CSMD3: variants seen among roughly 807,000 people sequenced by gnomAD.
The protein encoded by CSMD3 is CUB and Sushi multiple domains 3.
In CSMD3, 177 loss-of-function variants were observed where a neutral mutation model predicts 435.2. The ratio of observed to expected loss-of-function variants is 0.41; its 90% CI spans 0.36 to 0.46. The LOEUF (loss-of-function observed/expected upper bound fraction) is 0.46. Among genes scored for constraint, CSMD3 ranks in the 20% least tolerant of loss-of-function variants. CSMD3 has a pLI of 0.34. For missense variants in CSMD3, 4,265 were observed against 4,504.6 expected (o/e 0.95, Z 1.52); for synonymous variants, 1,656 against 1,520.5 (o/e 1.09, Z -2.07).
At chr8:112,655,785 T>A (rs1436628163) in intron 18 of CSMD3, among the ~76,000 whole-genome samples, 1 of 152,040 alleles carries the variant, frequency 6.6e-6, no homozygotes, top group African/African-American at 2.4e-5. Flanking sequence ...AAAGAATAAC[T>A]GAATTTGTGA....
intron 3 of CSMD3, among the ~76,000 whole-genome samples, chr8:113,245,343 C>A (rs921673058): frequency 4.6e-5 from 7 of 151,860 alleles, no homozygotes; most frequent in African/African-American, 1.7e-4. Context: ...CCCTAGTATT[C>A]CACTACTGTT....
At chr8:112,416,299 C>T (rs1326513999) in intron 32 of CSMD3, among the ~76,000 whole-genome samples, 2 of 152,152 alleles carry the variant, frequency 1.3e-5, no homozygotes, top group Non-Finnish European at 2.9e-5. Context: ...GCTCTCACTT[C>T]ATCCTGCCAC....
At chr8:112,976,240 T>G in intron 6 of CSMD3, 92 bp from the exon 7 acceptor site, 2 of 1,408,466 alleles carry the variant, frequency 1.4e-6, no homozygotes, top group Non-Finnish European at 2.0e-6. Context: ...TTCTCTTCTA[T>G]TACCTTAAGG....
At chr8:113,041,480 C>T (rs2131288776) in intron 5 of CSMD3, among the ~76,000 whole-genome samples, 1 of 152,154 alleles carries the variant, frequency 6.6e-6, no homozygotes, top group African/African-American at 2.4e-5. Context: ...ACAGGACTGT[C>T]ACTTAGATCT....
intron 5 of CSMD3, among the ~76,000 whole-genome samples, chr8:113,019,440 A>G (rs2086598202): frequency 6.6e-6 from 1 of 151,718 alleles, no homozygotes; most frequent in African/African-American, 2.4e-5. Flanking sequence ...TTTTTGATTT[A>G]TCCAAATTTA....
chr8:112,902,790 A>G (rs1038071381), intron 10 of CSMD3, among the ~76,000 whole-genome samples: 12 of 151,328 alleles, frequency 7.9e-5, no homozygotes, highest in African/African-American at 2.9e-4. Flanking sequence ...TATTGTCACA[A>G]AAAGCATTCA....
intron 24 of CSMD3, among the ~76,000 whole-genome samples, chr8:112,562,454 T>C (rs1828712575): frequency 6.6e-6 from 1 of 151,584 alleles, no homozygotes; most frequent in African/African-American, 2.4e-5. Context: ...TCAATGAAGA[T>C]ATGTTAGTTT....
In CSMD3 at chr8:112,254,262, G is replaced by A. The variant is rs143572252; in HGVS notation, c.10101C>T (p.Phe3367=). Residue 3367 remains phenylalanine (F), a synonymous_variant, in exon 63 of 71, where the codon TTC becomes TTT. Coordinates refer to ENST00000297405, the MANE Select transcript of CSMD3 (RefSeq NM_198123.2). ...TAGCTAAAGTACCCACTTGAAATCC[G>A]AATGTATTGTTCTGAGATCCATGCC... ...VPRHGSQNNT[F]GFQVGSVVQF... is the part of the protein sequence containing the mutation. 744 of 1,611,526 alleles carry A rather than the reference G, an allele frequency of 4.6e-4. 4 individuals carry two copies. In the African/African-American group the frequency reaches 8.2e-3, roughly 18 times the overall value.
rs2084830435 is a variant in CSMD3, at chr8:112,975,945, T to C, written c.1234A>G (p.Lys412Glu). 1.9e-6 allele frequency: 3 copies of C among 1,613,928 alleles called. No individual in the cohort carries two copies. The highest frequency in any genetic ancestry group is 1.7e-6 in the Non-Finnish European group (2 of 1,179,960). ...GCTGGATGAGGAGAGAGCCCGTCCT[T>C]GGACGTGTTGGGGTCCAGACCTGAA... The part of the protein sequence containing the change: ...RNSGLDPNTS[K>E]DGLSPHPADT... The change falls in exon 7 of 71, where the codon AAG (lysine) becomes GAG (glutamate). Residue 412 changes from lysine to glutamate, a missense_variant. Lys to Glu is a moderately conservative substitution (Grantham distance 56). Coordinates refer to ENST00000297405, the MANE Select transcript of CSMD3 (RefSeq NM_198123.2).
intron 61 of CSMD3, among the ~76,000 whole-genome samples, chr8:112,256,302 GA>G (rs35712078): frequency 0.2 from 29,855 of 149,850 alleles, 3,523 homozygotes; most frequent in East Asian, 0.36. Context: ...AGTCCCGTGG[GA>G]AAAAAAAAAT....
At chr8:113,344,782 T>C (rs1252158533) in intron 1 of CSMD3, among the ~76,000 whole-genome samples, 1 of 152,112 alleles carries the variant, frequency 6.6e-6, no homozygotes, top group Non-Finnish European at 1.5e-5. Context: ...ATCACGCAAA[T>C]AAAATACAAA....
intron 22 of CSMD3, among the ~76,000 whole-genome samples, chr8:112,621,928 C>T (rs923884089): frequency 6.6e-6 from 1 of 152,106 alleles, no homozygotes; most frequent in Non-Finnish European, 1.5e-5. Context: ...CTGTCTGGAG[C>T]CTAACAACCA....
rs73342250 is a variant in CSMD3 at position 113,125,620 on chromosome 8, G to A, written c.710-26657C>T. Among the ~76,000 whole-genome samples, 542 of 151,986 alleles carry A rather than the reference G, an allele frequency of 3.6e-3. 3 individuals are homozygous for A. The highest frequency in any genetic ancestry group is 0.012 in the African/African-American group (505 of 41,500). On this transcript the variant is annotated intron_variant, in intron 4 of 70. Coordinates refer to ENST00000297405, the MANE Select transcript of CSMD3 (RefSeq NM_198123.2). ...TTCAGAAAGATGAGAAATAAATACAGTAGTAAAGAAGAGTGGGAAGGACTG... is the reference window on the plus strand; with the variant it reads ...TTCAGAAAGATGAGAAATAAATACAATAGTAAAGAAGAGTGGGAAGGACTG...
Position 112,552,525 on chromosome 8 carries a change from A to T in CSMD3, c.4361+69T>A, listed in dbSNP as rs1458148435. On this transcript the variant is annotated intron_variant, in intron 26 of 70. Transcript: ENST00000297405. The stretch of plus-strand genomic sequence containing the variant: ...ACAAAAAATGAAATAAATGGATATT[A>T]ATTTTATATAGGGGTTGGTTAGGCA... 6.3e-6 allele frequency: 9 copies of T among 1,422,980 alleles called. No homozygotes were observed. The East Asian group carries it at 7.3e-5, about 12-fold the overall frequency. 88.1% of individuals were successfully genotyped at this position (1,422,980 alleles called of 1,614,324 possible).
intron 3 of CSMD3, among the ~76,000 whole-genome samples, chr8:113,242,764 T>C (rs2093232936): frequency 6.6e-6 from 1 of 152,030 alleles, no homozygotes; most frequent in South Asian, 2.1e-4. Context: ...GAAATCCTAC[T>C]GTGCTTGAAG....
At chr8:112,938,844 G>C (rs906903975) in intron 9 of CSMD3, among the ~76,000 whole-genome samples, 3 of 152,082 alleles carry the variant, frequency 2.0e-5, no homozygotes, top group Non-Finnish European at 2.9e-5. Flanking sequence ...GGATCAAATT[G>C]CAAGCCATAC....
intron 3 of CSMD3, among the ~76,000 whole-genome samples, chr8:113,224,239 T>C (rs1242545486): frequency 6.6e-6 from 1 of 151,320 alleles, no homozygotes; most frequent in African/African-American, 2.4e-5. Flanking sequence ...TTGGGTTTTA[T>C]ACTAATTCCT....
At chr8:113,079,286 T>C (rs1046091822) in intron 5 of CSMD3, among the ~76,000 whole-genome samples, 6 of 152,128 alleles carry the variant, frequency 3.9e-5, no homozygotes, top group African/African-American at 1.4e-4. Context: ...TCCTAGCAAA[T>C]TCTAAGATTG....
intron 22 of CSMD3, among the ~76,000 whole-genome samples, chr8:112,621,637 T>C (rs866477216): frequency 2.6e-5 from 4 of 152,304 alleles, no homozygotes; most frequent in Middle Eastern, 6.8e-3. Context: ...CTTGAAATCA[T>C]TCCTATTTAG....
Sources: gnomAD v4.1 joint callset for allele counts (sites outside exome capture counted in the v4.1 genomes callset) on GRCh38, gnomAD v4.1.1 for gene constraint, MANE v1.5 for transcripts, NCBI Gene and HGNC (gene_info 2026-07-23, HGNC 2026-07-21) for gene names.